Variants in FKBP5 observed in about 807,000 individuals in gnomAD.
The protein encoded by FKBP5 is FKBP prolyl isomerase 5, also known as peptidyl-prolyl cis-trans isomerase FKBP5.
A neutral mutation model predicts 50.5 loss-of-function variants in FKBP5; 23 were observed. The observed-to-expected ratio is 0.46, with a 90% CI of 0.33 to 0.65. FKBP5 has a LOEUF of 0.65. Among genes scored for constraint, FKBP5 ranks in the 30% least tolerant of loss-of-function variants. The probability of loss-of-function intolerance (pLI) is 0.02; values close to 1 mark genes in which losing one functional copy is unlikely to be tolerated. For synonymous variants in FKBP5, 176 were observed against 190.6 expected, an observed-to-expected ratio of 0.92 and a Z score of 0.63; for missense variants, 411 against 553.1, an observed-to-expected ratio of 0.74 and a Z score of 2.58.
chr6:35,576,782 G>A (rs576073711), intron 10 of FKBP5, among the ~76,000 whole-genome samples: 2 of 152,030 alleles, frequency 1.3e-5, no homozygotes, highest in Non-Finnish European at 2.9e-5. Context: ...ACATCTGAAG[G>A]GAATTTAGTT....
intron 2 of FKBP5, among the ~76,000 whole-genome samples, chr6:35,637,457 C>CTTTTTTTTTTTTTTTTTTTTTTTTTTTTT (rs71002581): frequency 1.4e-5 from 1 of 73,272 alleles, no homozygotes. Context: ...ACAGTAAACT[C>CTTTTTTTTTTTTTTTTTTTTTTTTTTTTT]TTTTTTTTTT....
At chr6:35,618,229 CCA>C (rs1040518528) in intron 5 of FKBP5, among the ~76,000 whole-genome samples, 8 of 152,056 alleles carry the variant, frequency 5.3e-5, no homozygotes, top group African/African-American at 1.9e-4. Context: ...TGTTGGCACA[CCA>C]GAGAGTCCAC....
chr6:35,587,165 T>G, intron 7 of FKBP5, 48 bp from the exon 8 acceptor site: 1 of 1,512,480 alleles, frequency 6.6e-7, no homozygotes, highest in Non-Finnish European at 9.2e-7. Flanking sequence ...GAGAAAAGCA[T>G]CAGTTGAGGC....
intron 2 of FKBP5, among the ~76,000 whole-genome samples, chr6:35,709,707 C>T (rs111502149): frequency 7.9e-5 from 12 of 151,942 alleles, no homozygotes; most frequent in African/African-American, 2.7e-4. Context: ...ATAGAACAGT[C>T]CCAGACAATA....
intron 5 of FKBP5, among the ~76,000 whole-genome samples, chr6:35,613,218 T>C (rs903088786): frequency 5.9e-5 from 9 of 151,438 alleles, no homozygotes; most frequent in African/African-American, 2.0e-4. Flanking sequence ...ATTTATTTTA[T>C]TTATTTATTT....
rs1314317578 is a variant in FKBP5 at position 35,661,560 on chromosome 6, C to T, written c.-19-18717G>A. Among the ~76,000 whole-genome samples the T allele has an allele frequency of 2.5e-5, 2 of 81,370 alleles. 1 individual carries two copies. Among genetic ancestry groups the T allele is most frequent in the Admixed American group, 2.6e-4 (2 of 7,714 alleles). 53.4% of individuals were successfully genotyped at this position (81,370 alleles called of 152,430 possible). A position where few individuals can be genotyped will look rare whatever the true frequency, so the allele number is the denominator to read the frequency against. ...CTGAGGTGGGCAGATCACCTGTGGT[C>T]ACGAGTTCAAGACTAGCCTGGTCAA... On this transcript the variant is annotated intron_variant, in intron 1 of 10. Coordinates refer to ENST00000357266, the MANE Select transcript of FKBP5 (RefSeq NM_004117.4).
chr6:35,630,339 G>A (rs1470572717), intron 3 of FKBP5, among the ~76,000 whole-genome samples: 1 of 152,074 alleles, frequency 6.6e-6, no homozygotes, highest in Non-Finnish European at 1.5e-5. Flanking sequence ...ACGAGGTCTG[G>A]AGATTGAGAC....
intron 8 of FKBP5, chr6:35,583,515 G>T (rs889853822): frequency 1.0e-6 from 1 of 985,380 alleles, no homozygotes; most frequent in African/African-American, 1.7e-5. Flanking sequence ...TCCAATTAGC[G>T]AAAAGTCTGT....
intron 1 of FKBP5, among the ~76,000 whole-genome samples, chr6:35,662,791 T>C (rs930916418): frequency 6.6e-6 from 1 of 152,204 alleles, no homozygotes. Flanking sequence ...CCAATAGTTT[T>C]CTAATTATAC....
intron 1 of FKBP5, among the ~76,000 whole-genome samples, chr6:35,670,663 C>T (rs1327304537): frequency 3.3e-5 from 5 of 150,190 alleles, no homozygotes; most frequent in African/African-American, 4.9e-5. Context: ...ACCTGGGAGG[C>T]GGAGGTTGCA....
intron 8 of FKBP5, chr6:35,585,817 C>G (rs1762581493): frequency 1.0e-6 from 1 of 985,210 alleles, no homozygotes; most frequent in Non-Finnish European, 1.2e-6. Context: ...TTTCATGACC[C>G]AATATTGTCT....
At chr6:35,689,108 A>G (rs1022185535), upstream of FKBP5, among the ~76,000 whole-genome samples, 4 of 151,814 alleles carry the variant, frequency 2.6e-5, no homozygotes, top group Non-Finnish European at 5.9e-5. Context: ...CGCCCCCATC[A>G]TTTGCTCCTC....
chr6:35,696,877 T>C (rs1044852978), intron 2 of FKBP5, among the ~76,000 whole-genome samples: 1 of 152,184 alleles, frequency 6.6e-6, no homozygotes, highest in Non-Finnish European at 1.5e-5. Flanking sequence ...GGAATAGAAT[T>C]GAAAGTCCAG....
chr6:35,708,083 C>T (rs1766354081), intron 2 of FKBP5, among the ~76,000 whole-genome samples: 1 of 152,190 alleles, frequency 6.6e-6, no homozygotes, highest in African/African-American at 2.4e-5. Context: ...ATAACTAACA[C>T]AGTCTTTGAC....
intron 4 of FKBP5, 76 bp from the exon 5 acceptor site, chr6:35,619,286 C>A: frequency 1.4e-5 from 11 of 799,272 alleles, no homozygotes; most frequent in South Asian, 3.3e-5. Context: ...CAAGGGCAAC[C>A]AATTATTTCA....
chr6:35,685,963 C>G (rs1212415255), intron 1 of FKBP5, among the ~76,000 whole-genome samples: 2 of 63,902 alleles, frequency 3.1e-5, no homozygotes, highest in Non-Finnish European at 5.6e-5. Flanking sequence ...GCCTGGGCAA[C>G]AAGAGCAAAA....
chr6:35,586,244 G>A (rs1762594427), intron 8 of FKBP5: 2 of 984,958 alleles, frequency 2.0e-6, no homozygotes, highest in African/African-American at 3.5e-5. Context: ...AGAGGTTTAA[G>A]ATCTAAGTGA....
At chr6:35,591,879 T>C (rs1365468594) in intron 6 of FKBP5, among the ~76,000 whole-genome samples, 1 of 152,278 alleles carries the variant, frequency 6.6e-6, no homozygotes, top group African/African-American at 2.4e-5. Context: ...AATATTCTTA[T>C]GGCTTATAGC....
chr6:35,622,935 T>C (rs531024565), intron 3 of FKBP5, among the ~76,000 whole-genome samples: 2 of 152,310 alleles, frequency 1.3e-5, no homozygotes, highest in South Asian at 2.1e-4. Context: ...CATATATTAA[T>C]AGTTGTTTTA....
Sources: allele counts gnomAD v4.1 joint callset (sites outside exome capture counted in the v4.1 genomes callset), GRCh38; gene constraint gnomAD v4.1.1; transcripts MANE v1.5; gene names NCBI Gene and HGNC (gene_info 2026-07-23, HGNC 2026-07-21).